GNG7: variants seen among roughly 807,000 people sequenced by gnomAD.
The protein encoded by GNG7 is guanine nucleotide-binding protein G(I)/G(S)/G(O) subunit gamma-7.
Under a neutral mutation model 4.0 loss-of-function variants are expected in GNG7, and 1 was observed. The ratio of observed to expected loss-of-function variants is 0.25; its 90% CI spans 0.09 to 1.18. The LOEUF (loss-of-function observed/expected upper bound fraction) is 1.18. GNG7 is among the 50% of genes most tolerant of loss of function. The pLI, the probability that GNG7 is intolerant of heterozygous loss-of-function variation, is 0.50. For synonymous variants in GNG7, 34 were observed against 36.9 expected (o/e 0.92, Z 0.29); for missense variants, 86 against 91.9 (o/e 0.94, Z 0.26).
intron 2 of GNG7, among the ~76,000 whole-genome samples, chr19:2,563,733 C>T (rs1410161325): frequency 1.3e-5 from 2 of 152,150 alleles, no homozygotes; most frequent in African/African-American, 4.8e-5. Context: ...CTGCCCACCT[C>T]GGCCTCCCAA....
intron 2 of GNG7, among the ~76,000 whole-genome samples, chr19:2,586,948 G>A (rs866918561): frequency 2.3e-5 from 3 of 130,644 alleles, no homozygotes; most frequent in Non-Finnish European, 4.6e-5. Flanking sequence ...TTGTGCCACC[G>A]CACTCCAGCC....
At chr19:2,570,972 A>ATTTT (rs537285701) in intron 2 of GNG7, among the ~76,000 whole-genome samples, 24 of 146,460 alleles carry the variant, frequency 1.6e-4, no homozygotes, top group Admixed American at 4.8e-4. Flanking sequence ...TAATGTTTGT[A>ATTTT]TTTTTTTTTT....
rs954055612 is a variant in GNG7 at position 2,557,453 on chromosome 19, C to T, written c.-77-2265G>A. Among the ~76,000 whole-genome samples the T allele has an allele frequency of 3.3e-5, 5 of 152,202 alleles. No individual in the cohort carries two copies. The highest frequency in any genetic ancestry group is 1.2e-4 in the African/African-American group (5 of 41,448). ...GGTCCTGCTAGTAAACATGCACAGA[C>T]TCAAGAAACGAGGGGCTGCAGGACT... On this transcript the variant is annotated intron_variant, in intron 2 of 4. Coordinates refer to ENST00000382159, the MANE Select transcript of GNG7 (RefSeq NM_052847.3). The surrounding 1 kb of genome is among the most constrained non-coding windows in gnomAD (Gnocchi z 5.1).
intron 1 of GNG7, among the ~76,000 whole-genome samples, chr19:2,652,361 T>C (rs1982852851): frequency 6.6e-6 from 1 of 152,114 alleles, no homozygotes; most frequent in Non-Finnish European, 1.5e-5. Flanking sequence ...GGCTCATGCC[T>C]GTAATCCCAG....
At chr19:2,639,691 AGGC>A in intron 2 of GNG7, among the ~76,000 whole-genome samples, 1 of 8,820 alleles carries the variant, frequency 1.1e-4, no homozygotes, top group Non-Finnish European at 2.1e-4. Flanking sequence ...AGAGGGAGGG[AGGC>A]AGGGAGTGGG....
intron 2 of GNG7, among the ~76,000 whole-genome samples, chr19:2,570,592 C>T (rs529639276): frequency 1.1e-3 from 171 of 152,226 alleles, no homozygotes; most frequent in African/African-American, 4.0e-3. Flanking sequence ...AGCTAAATCC[C>T]TAAGGACGCA....
chr19:2,665,373 G>T lies in GNG7; in HGVS notation c.-134-19093C>A, dbSNP rs899510082. 4.6e-5 allele frequency among the ~76,000 whole-genome samples: 7 copies of T among 151,464 alleles called. 1 individual carries two copies. The highest frequency in any genetic ancestry group is 1.7e-4 in the African/African-American group (7 of 41,124). ...GCCCAGTGTCCCCTGGGGGGGGGGG[G>T]GCAGGATCACCCTGCCGTGCTGGAC... is the stretch of plus-strand genomic sequence containing the variant. On this transcript the variant is annotated intron_variant, in intron 1 of 4. Transcript: ENST00000382159.
At chr19:2,638,762 G>A (rs1034704546) in intron 2 of GNG7, among the ~76,000 whole-genome samples, 2 of 152,068 alleles carry the variant, frequency 1.3e-5, no homozygotes, top group Admixed American at 6.5e-5. Context: ...GGGGAGGGGA[G>A]GGTTGGGTCA....
At chr19:2,642,758 T>C (rs1568271830) in intron 2 of GNG7, 2 of 456,190 alleles carry the variant, frequency 4.4e-6, no homozygotes, top group Middle Eastern at 3.3e-4. Flanking sequence ...CCTCTCAAAG[T>C]GCTGGGATTA....
intron 1 of GNG7, among the ~76,000 whole-genome samples, chr19:2,670,650 G>C (rs1983428851): frequency 6.6e-6 from 1 of 151,842 alleles, no homozygotes; most frequent in African/African-American, 2.4e-5. Flanking sequence ...GCACTGCTGA[G>C]GCACTGGGGC....
intron 1 of GNG7, among the ~76,000 whole-genome samples, chr19:2,682,756 A>G (rs1048557800): frequency 6.6e-6 from 1 of 150,820 alleles, no homozygotes; most frequent in African/African-American, 2.4e-5. Flanking sequence ...ACTCCACGCC[A>G]TGAGCCTTGG....
At chr19:2,568,042 CGTGCAGAT>C (rs1979974962) in intron 2 of GNG7, among the ~76,000 whole-genome samples, 2 of 152,088 alleles carry the variant, frequency 1.3e-5, no homozygotes, top group Admixed American at 1.3e-4. Flanking sequence ...CATGCACACA[CGTGCAGAT>C]ACACACACAT....
At chr19:2,607,801 C>T (rs994020653) in intron 2 of GNG7, among the ~76,000 whole-genome samples, 3 of 152,056 alleles carry the variant, frequency 2.0e-5, no homozygotes, top group Non-Finnish European at 4.4e-5. Context: ...TCATCGTGGG[C>T]ACTGGGAAGT....
At chr19:2,672,008 G>A (rs1394130751) in intron 1 of GNG7, among the ~76,000 whole-genome samples, 6 of 129,140 alleles carry the variant, frequency 4.6e-5, no homozygotes, top group South Asian at 2.6e-4. Context: ...CCGAGATTGC[G>A]TCACTGCCCT....
chr19:2,559,952 C>T (rs968485497), intron 2 of GNG7, among the ~76,000 whole-genome samples: 3 of 152,084 alleles, frequency 2.0e-5, no homozygotes, highest in Admixed American at 6.6e-5. Flanking sequence ...GGCCTCAGCA[C>T]GATGCCTGGG....
In GNG7 at chr19:2,575,089, C is replaced by CTTT. The variant is rs34248001; in HGVS notation, c.-77-19904_-77-19902dup. Reference sequence around the variant, plus strand: ...TTTTCTTTCCTTTTTTTCTTTCTTTCTTTTTTTTTTTTTTAGATGGGGTCT... The same window carrying CTTT: ...TTTTCTTTCCTTTTTTTCTTTCTTTCTTTTTTTTTTTTTTTTTAGATGGGGTCT... On this transcript the variant is annotated intron_variant, in intron 2 of 4. Transcript: ENST00000382159. Among the ~76,000 whole-genome samples the CTTT allele has an allele frequency of 4.8e-3, 669 of 138,828 alleles. 6 individuals are homozygous for CTTT. The highest frequency in any genetic ancestry group is 0.018 in the African/African-American group (645 of 36,634). 91.1% of individuals were successfully genotyped at this position (138,828 alleles called of 152,430 possible). A position where few individuals can be genotyped will look rare whatever the true frequency, so the allele number is the denominator to read the frequency against.
intron 1 of GNG7, among the ~76,000 whole-genome samples, chr19:2,684,135 ATTTTT>A (rs547594113): frequency 3.2e-5 from 4 of 125,334 alleles, no homozygotes; most frequent in African/African-American, 9.3e-5. Flanking sequence ...CAGCCTGGCC[ATTTTT>A]TTTTTTTTTT....
At chr19:2,675,204 G>T (rs1009559846) in intron 1 of GNG7, among the ~76,000 whole-genome samples, 23 of 152,312 alleles carry the variant, frequency 1.5e-4, no homozygotes, top group African/African-American at 5.5e-4. Context: ...GGAGACGGAT[G>T]CACGCCAGAA....
chr19:2,529,682 A>C (rs1215719300), intron 3 of GNG7, among the ~76,000 whole-genome samples: 1 of 152,150 alleles, frequency 6.6e-6, no homozygotes, highest in East Asian at 1.9e-4. Flanking sequence ...TATGGACTCG[A>C]TGAGAGACAA....
Sources: allele counts gnomAD v4.1 joint callset (sites outside exome capture counted in the v4.1 genomes callset), GRCh38; gene constraint gnomAD v4.1.1; non-coding constraint Gnocchi (gnomAD v3.1); transcripts MANE v1.5; gene names NCBI Gene and HGNC (gene_info 2026-07-23, HGNC 2026-07-21).